Variants in CNIH3 observed in about 807,000 individuals in gnomAD.
CNIH3 encodes the protein protein cornichon homolog 3.
CNIH3 carries 14 observed loss-of-function variants against 24.1 expected under a neutral mutation model. The ratio of observed to expected loss-of-function variants is 0.58; its 90% confidence interval spans 0.38 to 0.91. CNIH3 has a LOEUF of 0.91. CNIH3 is among the 40% of genes least tolerant of loss of function. CNIH3 has a pLI of 0.00. For synonymous variants in CNIH3, 68 were observed against 73.8 expected (o/e 0.92, Z 0.40); for missense variants, 178 against 196.8 (o/e 0.90, Z 0.57).
chr1:224,562,416 G>A (rs1680409815), intron 3 of CNIH3, among the ~76,000 whole-genome samples: 1 of 152,216 alleles, frequency 6.6e-6, no homozygotes. Flanking sequence ...TGTGGTGGAA[G>A]AGATCTTAGG....
intron 1 of CNIH3, among the ~76,000 whole-genome samples, chr1:224,674,272 G>GTTTTTTTTTTTTTTT (rs71170028): frequency 2.9e-4 from 21 of 72,078 alleles, no homozygotes; most frequent in African/African-American, 4.3e-4. Flanking sequence ...TTCCAGGAAG[G>GTTTTTTTTTTTTTTT]TTTTTTTTTT....
At chr1:224,576,116 G>T (rs1204990729) in intron 4 of CNIH3, among the ~76,000 whole-genome samples, 3 of 152,128 alleles carry the variant, frequency 2.0e-5, no homozygotes, top group African/African-American at 4.8e-5. Context: ...ACTGAGAACT[G>T]CTTAGGAATG....
intron 1 of CNIH3, among the ~76,000 whole-genome samples, chr1:224,476,637 T>C (rs1014645186): frequency 6.6e-6 from 1 of 152,130 alleles, no homozygotes; most frequent in African/African-American, 2.4e-5. Context: ...AAAACACTGA[T>C]GCAAGAAACT....
intron 2 of CNIH3, among the ~76,000 whole-genome samples, chr1:224,545,421 C>T (rs951713761): frequency 6.6e-6 from 1 of 152,160 alleles, no homozygotes; most frequent in Non-Finnish European, 1.5e-5. Context: ...GAGTTCTCAT[C>T]ATCTTTAAAA....
downstream of CNIH3, among the ~76,000 whole-genome samples, chr1:224,540,927 C>G (rs529426407): frequency 1.3e-5 from 2 of 152,200 alleles, no homozygotes; most frequent in South Asian, 4.1e-4. Flanking sequence ...AGAAATCAGC[C>G]TGCAAGTCTG....
intron 3 of CNIH3, among the ~76,000 whole-genome samples, chr1:224,554,760 T>C (rs12033478): frequency 0.17 from 26,022 of 151,918 alleles, 2,428 homozygotes; most frequent in South Asian, 0.36. Flanking sequence ...ATAATCATTA[T>C]TGTTTTTGTA....
chr1:224,626,151 A>G (rs1319543586), intron 1 of CNIH3, among the ~76,000 whole-genome samples: 11 of 152,242 alleles, frequency 7.2e-5, no homozygotes, highest in Admixed American at 7.2e-4. Flanking sequence ...GAGAAGAAGC[A>G]TTAAGTGAGC....
upstream of CNIH3, among the ~76,000 whole-genome samples, chr1:224,512,413 G>C (rs1263152726): frequency 6.6e-6 from 1 of 152,182 alleles, no homozygotes; most frequent in Non-Finnish European, 1.5e-5. Flanking sequence ...CCAGGTGTTT[G>C]AGGTTACAGT....
chr1:224,573,752 G>A (rs998040857), intron 4 of CNIH3, among the ~76,000 whole-genome samples: 5 of 152,116 alleles, frequency 3.3e-5, no homozygotes, highest in African/African-American at 1.2e-4. Context: ...TGTGAAGGGA[G>A]TAGTCTCCCT....
intron 3 of CNIH3, among the ~76,000 whole-genome samples, chr1:224,551,047 G>A (rs907396694): frequency 3.3e-5 from 5 of 151,948 alleles, no homozygotes; most frequent in Non-Finnish European, 5.9e-5. Flanking sequence ...TTAGAATGGC[G>A]ATCATTAAAA....
chr1:224,645,146 T>C (rs1684541415), intron 1 of CNIH3, among the ~76,000 whole-genome samples: 3 of 152,204 alleles, frequency 2.0e-5, no homozygotes, highest in Admixed American at 2.0e-4. Context: ...GAGTCAGGTC[T>C]CTACCAAGGA....
chr1:224,707,705 C>T (rs1389916796), intron 3 of CNIH3, among the ~76,000 whole-genome samples: 1 of 152,170 alleles, frequency 6.6e-6, no homozygotes, highest in Non-Finnish European at 1.5e-5. Flanking sequence ...TGCATTTTAA[C>T]AAGATCCTTG....
rs548164706 is a variant in CNIH3 at position 224,553,481 on chromosome 1, C to T, written n.450+6542C>T. Among the ~76,000 whole-genome samples the T allele has an allele frequency of 4.6e-5, 7 of 152,208 alleles. No homozygotes were observed. The South Asian group carries it at 1.2e-3, about 27-fold the overall frequency. On this transcript the variant is annotated intron_variant and non_coding_transcript_variant, in intron 3 of 5. Coordinates refer to the CNIH3 transcript ENST00000471578. ...CAATCTCACTGGGAGACCTCTGGTG[C>T]GATGTGGCCATATTGTGAGTTCAGC...
At chr1:224,478,099 T>C (rs543217455) in intron 1 of CNIH3, among the ~76,000 whole-genome samples, 86 of 152,322 alleles carry the variant, frequency 5.6e-4, no homozygotes, top group African/African-American at 2.0e-3. Context: ...TCTTTTTCCT[T>C]GACCTTTGGG....
intron 2 of CNIH3, among the ~76,000 whole-genome samples, chr1:224,544,837 C>T (rs1458004733): frequency 1.3e-5 from 2 of 152,226 alleles, no homozygotes; most frequent in South Asian, 2.1e-4. Flanking sequence ...CAAGAAAACA[C>T]ATGGCTTCTC....
At chr1:224,564,023 T>G (rs1272008293) in intron 3 of CNIH3, among the ~76,000 whole-genome samples, 1 of 152,206 alleles carries the variant, frequency 6.6e-6, no homozygotes, top group Admixed American at 6.5e-5. Context: ...TGGAAAGGAA[T>G]AGGTCCCCAC....
At chr1:224,681,259 C>G (rs1572712831) in intron 2 of CNIH3, among the ~76,000 whole-genome samples, 1 of 152,302 alleles carries the variant, frequency 6.6e-6, no homozygotes, top group East Asian at 1.9e-4. Context: ...GGGGAATAGT[C>G]TACTGTGCTG....
intron 2 of CNIH3, among the ~76,000 whole-genome samples, chr1:224,544,012 A>C (rs1462507248): frequency 6.6e-6 from 1 of 152,170 alleles, no homozygotes; most frequent in African/African-American, 2.4e-5. Context: ...TGCAACCTAC[A>C]GGATCAGATT....
intron 2 of CNIH3, among the ~76,000 whole-genome samples, chr1:224,531,526 T>C (rs561021476): frequency 2.0e-5 from 3 of 152,116 alleles, no homozygotes; most frequent in Middle Eastern, 3.4e-3. Context: ...TTTTGAAGAG[T>C]TGAAAGGCCA....
Sources: allele counts gnomAD v4.1 joint callset (sites outside exome capture counted in the v4.1 genomes callset), GRCh38; gene constraint gnomAD v4.1.1; transcripts MANE v1.5; gene names NCBI Gene and HGNC (gene_info 2026-07-23, HGNC 2026-07-21).